CAMTA1: variants seen among roughly 807,000 people sequenced by gnomAD.
CAMTA1 encodes the protein calmodulin binding transcription activator 1.
In CAMTA1, 27 loss-of-function variants were observed where a neutral mutation model predicts 170.9. The observed-to-expected ratio is 0.16, with a 90% CI of 0.12 to 0.22. CAMTA1 has a LOEUF of 0.22. Among genes scored for constraint, CAMTA1 ranks in the 10% least tolerant of loss-of-function variants. The pLI is 1.00. For missense variants in CAMTA1, 1,619 were observed against 2,217.2 expected (o/e 0.73, Z 5.42); for synonymous variants, 833 against 891.5 (o/e 0.93, Z 1.17).
chr1:7,259,482 T>C (rs907098693), intron 5 of CAMTA1, among the ~76,000 whole-genome samples: 4 of 152,222 alleles, frequency 2.6e-5, no homozygotes, highest in Non-Finnish European at 5.9e-5. Flanking sequence ...TGCGTCTTAG[T>C]ATGAGCCCCA....
At chr1:7,656,323 C>G (rs946631935) in intron 7 of CAMTA1, among the ~76,000 whole-genome samples, 1 of 152,194 alleles carries the variant, frequency 6.6e-6, no homozygotes, top group African/African-American at 2.4e-5. Flanking sequence ...GGCCTCTCTT[C>G]CTGGGTTGCA....
intron 4 of CAMTA1, among the ~76,000 whole-genome samples, chr1:7,135,976 G>A (rs1035618695): frequency 4.6e-5 from 7 of 152,190 alleles, no homozygotes; most frequent in African/African-American, 1.7e-4. Context: ...CCCCATGCCT[G>A]TTCAAAGCCA....
chr1:6,887,709 G>A lies in CAMTA1; in HGVS notation c.234+62499G>A. 6.5e-7 allele frequency: 1 copy of A among 1,535,338 alleles called. No homozygotes were observed. Among genetic ancestry groups the A allele is most frequent in the Non-Finnish European group, 8.7e-7 (1 of 1,146,666 alleles). On this transcript the variant is annotated intron_variant, in intron 3 of 22. Coordinates refer to ENST00000303635, the MANE Select transcript of CAMTA1 (RefSeq NM_015215.4). This position sits in a 1 kb window ranked among gnomAD's most constrained non-coding sequence, Gnocchi z 4.1. ...GCAAAGAAGAGGGATCCACAGAGCTGGAGCCATGAGGGCTGACACATTGGA... is the reference window on the plus strand; with the variant it reads ...GCAAAGAAGAGGGATCCACAGAGCTAGAGCCATGAGGGCTGACACATTGGA...
At position 7,377,729 on chromosome 1, in the gene CAMTA1, G is replaced by A. The variant is rs2086953066; in HGVS notation, c.439-90101G>A. On this transcript the variant is annotated intron_variant, in intron 5 of 22. Transcript: ENST00000303635. ...GAGGTCAGGAGTTCGAGACCAGCCT[G>A]GCCAACATGGTGAAACCCTGTCTCT... Among the ~76,000 whole-genome samples the A allele has an allele frequency of 2.0e-5, 3 of 152,124 alleles. No homozygotes were observed. The South Asian group carries it at 6.2e-4, about 32-fold the overall frequency.
intron 6 of CAMTA1, among the ~76,000 whole-genome samples, chr1:7,594,136 A>AGAG (rs1491512735): frequency 6.7e-5 from 10 of 150,280 alleles, no homozygotes; most frequent in African/African-American, 2.2e-4. Context: ...AGAAAGAAAG[A>AGAG]AAGAAGGAAG....
chr1:6,915,802 C>G (rs530907378), intron 3 of CAMTA1, among the ~76,000 whole-genome samples: 2 of 152,204 alleles, frequency 1.3e-5, no homozygotes, highest in Non-Finnish European at 2.9e-5. Flanking sequence ...GCTGGCGAAG[C>G]CTGTCTCTCT....
At chr1:7,034,610 C>G (rs1039175043) in intron 3 of CAMTA1, among the ~76,000 whole-genome samples, 1 of 152,224 alleles carries the variant, frequency 6.6e-6, no homozygotes, top group African/African-American at 2.4e-5. Flanking sequence ...CCTGTGACCT[C>G]TGGCTGCCTT....
At position 6,921,823 on chromosome 1, in the gene CAMTA1, G is replaced by A. The variant is rs187184544; in HGVS notation, c.234+96613G>A. Reference sequence around the variant, plus strand: ...TATAAGAACAGCATGAGAAAGACCCGTCCCGCTAATTCAGTCTTCTCCCAC... The same window carrying A: ...TATAAGAACAGCATGAGAAAGACCCATCCCGCTAATTCAGTCTTCTCCCAC... On this transcript the variant is annotated intron_variant, in intron 3 of 22. Transcript: ENST00000303635. Among the ~76,000 whole-genome samples the A allele has an allele frequency of 2.7e-3, 417 of 152,220 alleles. 2 individuals carry two copies. The highest frequency in any genetic ancestry group is 3.7e-3 in the Non-Finnish European group (249 of 68,014).
At chr1:6,953,913 T>C (rs1007419541) in intron 3 of CAMTA1, among the ~76,000 whole-genome samples, 3 of 152,198 alleles carry the variant, frequency 2.0e-5, no homozygotes, top group African/African-American at 7.2e-5. Context: ...CTTTCAGCAC[T>C]GAGCAGGCTC....
chr1:7,174,908 T>C (rs1650459596), intron 4 of CAMTA1, among the ~76,000 whole-genome samples: 1 of 152,234 alleles, frequency 6.6e-6, no homozygotes, highest in Admixed American at 6.5e-5. Context: ...CAGAAGAGAT[T>C]GGCCTGACAT....
In CAMTA1 at chr1:7,463,795, A is replaced by G. The variant is rs2093148497; in HGVS notation, c.439-4035A>G. ...TGATGTGCTTCCTTCTTGGGCCACT[A>G]AGCCATCACTGCCCAGCCTTCAGGA... On this transcript the variant is annotated intron_variant, in intron 5 of 22. Coordinates refer to ENST00000303635, the MANE Select transcript of CAMTA1 (RefSeq NM_015215.4). The surrounding 1 kb of genome is among the most constrained non-coding windows in gnomAD (Gnocchi z 4.7). 6.6e-6 allele frequency among the ~76,000 whole-genome samples: 1 copy of G among 152,160 alleles called. No homozygotes were observed. Among genetic ancestry groups the G allele is most frequent in the Non-Finnish European group, 1.5e-5 (1 of 68,030 alleles).
intron 4 of CAMTA1, among the ~76,000 whole-genome samples, chr1:7,199,735 G>A (rs1656299253): frequency 6.7e-6 from 1 of 149,410 alleles, no homozygotes; most frequent in Non-Finnish European, 1.5e-5. Context: ...GTGGAAAGGA[G>A]GATGGTGGCT....
At chr1:7,678,015 G>A (rs917654239) in intron 11 of CAMTA1, among the ~76,000 whole-genome samples, 2 of 152,200 alleles carry the variant, frequency 1.3e-5, no homozygotes, top group Non-Finnish European at 2.9e-5. Context: ...CGCCTGCTGG[G>A]CTGTCTGAGT....
At chr1:7,596,457 C>G (rs1445364097) in intron 6 of CAMTA1, among the ~76,000 whole-genome samples, 1 of 152,216 alleles carries the variant, frequency 6.6e-6, no homozygotes, top group Non-Finnish European at 1.5e-5. Context: ...TTCTGTGTGT[C>G]CTGTGCTGGC....
chr1:7,380,356 C>G (rs955041599), intron 5 of CAMTA1, among the ~76,000 whole-genome samples: 1 of 152,166 alleles, frequency 6.6e-6, no homozygotes, highest in African/African-American at 2.4e-5. Context: ...AGGTGAATCA[C>G]CTGTGGTCGG....
intron 5 of CAMTA1, among the ~76,000 whole-genome samples, chr1:7,291,720 G>C (rs1365557448): frequency 6.6e-6 from 1 of 152,228 alleles, no homozygotes; most frequent in Non-Finnish European, 1.5e-5. Context: ...GGAGTGGGTG[G>C]CCAGTGAGAA....
At chr1:7,394,804 C>A (rs934045085) in intron 5 of CAMTA1, among the ~76,000 whole-genome samples, 16 of 127,490 alleles carry the variant, frequency 1.3e-4, no homozygotes, top group African/African-American at 4.4e-4. Context: ...CCTATATTTT[C>A]TTGTAGTTGT....
rs553506654 is a variant in CAMTA1 at position 6,919,355 on chromosome 1, G to A, written c.234+94145G>A. 2.0e-5 allele frequency among the ~76,000 whole-genome samples: 3 copies of A among 152,362 alleles called. 1 individual carries two copies. The South Asian group carries it at 6.2e-4, about 32-fold the overall frequency. On this transcript the variant is annotated intron_variant, in intron 3 of 22. Transcript: ENST00000303635. ...TCTGAGGCAGGAGGATGCTGCCTCT[G>A]GTGGATGGGCATGTGGGGCTGTGTT...
intron 4 of CAMTA1, among the ~76,000 whole-genome samples, chr1:7,242,982 A>G (rs1248874697): frequency 6.6e-6 from 1 of 152,084 alleles, no homozygotes; most frequent in East Asian, 1.9e-4. Context: ...AAATAAAAAA[A>G]AGAAAGAAAA....
Sources: gnomAD v4.1 joint callset for allele counts (sites outside exome capture counted in the v4.1 genomes callset) on GRCh38, gnomAD v4.1.1 for gene constraint, Gnocchi (gnomAD v3.1) non-coding constraint, MANE v1.5 for transcripts, NCBI Gene and HGNC (gene_info 2026-07-23, HGNC 2026-07-21) for gene names.